Variants in DIS3L2 observed in about 807,000 individuals in gnomAD.
DIS3L2 encodes DIS3 like 3'-5' exoribonuclease 2.
In DIS3L2, 34 loss-of-function variants were observed where a neutral mutation model predicts 97.5. The ratio of observed to expected loss-of-function variants is 0.35; its 90% confidence interval spans 0.27 to 0.46. The LOEUF (loss-of-function observed/expected upper bound fraction) is 0.46, where lower values mean the gene tolerates loss of function less well. Among genes scored for constraint, DIS3L2 ranks in the 20% least tolerant of loss-of-function variants. DIS3L2 has a pLI of 1.00. For synonymous variants in DIS3L2, 435 were observed against 445.2 expected, an observed-to-expected ratio of 0.98 and a Z score of 0.29; for missense variants, 1,038 against 1,146.0, an observed-to-expected ratio of 0.91 and a Z score of 1.36.
chr2:232,083,555 C>T (rs1402214365), intron 5 of DIS3L2, among the ~76,000 whole-genome samples: 2 of 149,182 alleles, frequency 1.3e-5, no homozygotes, highest in East Asian at 2.0e-4. Context: ...AGTGCAGTGG[C>T]ATGATCTCAG....
chr2:232,059,399 C>A (rs1344007418), intron 5 of DIS3L2, among the ~76,000 whole-genome samples: 1 of 152,196 alleles, frequency 6.6e-6, no homozygotes, highest in Non-Finnish European at 1.5e-5. Context: ...GCTTAACTAT[C>A]AAAAATAATA....
intron 14 of DIS3L2, 28 bp from the exon 15 acceptor site, chr2:232,329,785 T>TGCCGGGGGGCG: frequency 2.4e-5 from 23 of 967,140 alleles, no homozygotes; most frequent in Non-Finnish European, 3.2e-5. Context: ...ACCCCAGCGG[T>TGCCGGGGGGCG]CCCTCCCATC....
At chr2:232,102,480 A>G (rs1259321222) in intron 6 of DIS3L2, among the ~76,000 whole-genome samples, 2 of 152,180 alleles carry the variant, frequency 1.3e-5, no homozygotes, top group Admixed American at 6.5e-5. Flanking sequence ...CCTTATTTTT[A>G]GGAGATACTG....
intron 9 of DIS3L2, among the ~76,000 whole-genome samples, chr2:232,203,680 A>G (rs1377945905): frequency 2.0e-5 from 3 of 152,226 alleles, no homozygotes; most frequent in African/African-American, 7.2e-5. Flanking sequence ...AGACATGTCC[A>G]TAAGTGGCCA....
At chr2:232,083,496 CTT>C (rs759630455) in intron 5 of DIS3L2, among the ~76,000 whole-genome samples, 38 of 138,618 alleles carry the variant, frequency 2.7e-4, no homozygotes, top group Admixed American at 5.8e-4. Flanking sequence ...TCTTCTTCTT[CTT>C]TTTTTTTTTT....
intron 6 of DIS3L2, among the ~76,000 whole-genome samples, chr2:232,114,262 G>A (rs1349563058): frequency 6.9e-6 from 1 of 145,330 alleles, no homozygotes; most frequent in Non-Finnish European, 1.5e-5. Flanking sequence ...CTGACTAAGA[G>A]CAACAGCGCT....
chr2:231,982,015 G>A (rs1693277696), intron 1 of DIS3L2, among the ~76,000 whole-genome samples: 1 of 145,052 alleles, frequency 6.9e-6, no homozygotes, highest in Admixed American at 7.1e-5. Context: ...GTGGGTGACA[G>A]AAGTGAGGCT....
At chr2:232,024,221 G>A (rs914019616) in intron 3 of DIS3L2, 56 bp from the exon 4 acceptor site, 19 of 1,327,132 alleles carry the variant, frequency 1.4e-5, no homozygotes, top group African/African-American at 7.5e-5. Flanking sequence ...TAACATACGT[G>A]GAAAAATCGT....
intron 5 of DIS3L2, among the ~76,000 whole-genome samples, chr2:232,058,671 T>C (rs74491846): frequency 6.6e-6 from 1 of 152,352 alleles, no homozygotes; most frequent in East Asian, 1.9e-4. Flanking sequence ...GCCTTCCTCT[T>C]TCTTGAGTCA....
At chr2:232,270,524 T>A (rs1303696444) in intron 13 of DIS3L2, among the ~76,000 whole-genome samples, 2 of 152,200 alleles carry the variant, frequency 1.3e-5, no homozygotes, top group Non-Finnish European at 2.9e-5. Context: ...TCTTAAACAT[T>A]CAGCCACTCC....
chr2:232,079,599 CAA>C (rs760870721), intron 5 of DIS3L2, among the ~76,000 whole-genome samples: 238 of 29,586 alleles, frequency 8.0e-3, no homozygotes, highest in South Asian at 0.013. Context: ...GACTCTATCT[CAA>C]AAAAAAAAAA....
At chr2:232,280,476 G>A (rs368464943) in intron 13 of DIS3L2, among the ~76,000 whole-genome samples, 3 of 152,328 alleles carry the variant, frequency 2.0e-5, no homozygotes, top group South Asian at 4.1e-4. Context: ...GGACTTTGCC[G>A]ATTACATGTG....
chr2:232,127,417 A>G lies in DIS3L2; in HGVS notation c.602-3202A>G, dbSNP rs113477494. Among the ~76,000 whole-genome samples the G allele has an allele frequency of 6.1e-3, 930 of 152,292 alleles. 24 individuals carry two copies. The highest frequency in any genetic ancestry group is 4.3e-3 in the Non-Finnish European group (294 of 68,030). On this transcript the variant is annotated intron_variant, in intron 6 of 20. Transcript: ENST00000325385. ...CTTAGCTGATAATCCTTAAGCTCTC[A>G]TATGTAATTATCACCAAGACTATTC...
intron 14 of DIS3L2, among the ~76,000 whole-genome samples, chr2:232,310,909 G>A (rs147619969): frequency 1.3e-5 from 2 of 152,372 alleles, no homozygotes; most frequent in Non-Finnish European, 1.5e-5. Context: ...CCTCCACATG[G>A]AATCTGAACT....
intron 1 of DIS3L2, among the ~76,000 whole-genome samples, chr2:232,007,068 G>A (rs370952741): frequency 1.3e-5 from 2 of 152,198 alleles, no homozygotes; most frequent in Admixed American, 6.5e-5. Flanking sequence ...GAAATGGAAT[G>A]ATAGCTGGTA....
intron 13 of DIS3L2, among the ~76,000 whole-genome samples, chr2:232,273,581 T>G (rs1254120161): frequency 1.3e-5 from 2 of 152,310 alleles, no homozygotes; most frequent in African/African-American, 4.8e-5. Context: ...CAAGGTATAA[T>G]GAGGACTTTC....
chr2:232,083,715 G>A (rs191705363), intron 5 of DIS3L2, among the ~76,000 whole-genome samples: 2 of 152,164 alleles, frequency 1.3e-5, no homozygotes, highest in East Asian at 3.9e-4. Flanking sequence ...GGCTGGTCTT[G>A]AACTCCTGAC....
At chr2:232,244,972 C>T (rs1173160963) in intron 11 of DIS3L2, among the ~76,000 whole-genome samples, 3 of 152,022 alleles carry the variant, frequency 2.0e-5, no homozygotes, top group African/African-American at 4.8e-5. Flanking sequence ...ATTATAAGAT[C>T]GATCATAGGG....
chr2:232,132,193 A>G (rs1437536036), intron 7 of DIS3L2, among the ~76,000 whole-genome samples: 1 of 152,130 alleles, frequency 6.6e-6, no homozygotes, highest in Non-Finnish European at 1.5e-5. Context: ...TCTTTTGGAT[A>G]ATGTTTTTAA....
Sources: allele counts gnomAD v4.1 joint callset (sites outside exome capture counted in the v4.1 genomes callset), GRCh38; gene constraint gnomAD v4.1.1; transcripts MANE v1.5; gene names NCBI Gene and HGNC (gene_info 2026-07-23, HGNC 2026-07-21).